CACNA1E: variants seen among roughly 807,000 people sequenced by gnomAD.
The protein encoded by CACNA1E is calcium voltage-gated channel subunit alpha1 E.
CACNA1E carries 40 observed loss-of-function variants against 259.2 expected under a neutral mutation model. That is an observed-to-expected ratio of 0.15 (90% CI 0.12 to 0.20). The LOEUF (loss-of-function observed/expected upper bound fraction) is 0.20, where lower values mean the gene tolerates loss of function less well. CACNA1E is among the 10% of genes least tolerant of loss of function. The pLI is 1.00. For synonymous variants in CACNA1E, 1,104 were observed against 1,138.5 expected (o/e 0.97, Z 0.61); for missense variants, 1,874 against 3,040.1 (o/e 0.62, Z 9.02).
intron 3 of CACNA1E, among the ~76,000 whole-genome samples, chr1:181,529,373 T>G (rs1667606803): frequency 6.6e-6 from 1 of 152,234 alleles, no homozygotes; most frequent in African/African-American, 2.4e-5. Context: ...GGAGAACCTC[T>G]GCTAGGGCAG....
At chr1:181,531,170 A>G (rs1667753740) in intron 3 of CACNA1E, among the ~76,000 whole-genome samples, 1 of 152,230 alleles carries the variant, frequency 6.6e-6, no homozygotes, top group African/African-American at 2.4e-5. Context: ...TGGAGAAACC[A>G]TAACTTATTT....
intron 7 of CACNA1E, among the ~76,000 whole-genome samples, chr1:181,670,474 A>G (rs1240579124): frequency 6.6e-6 from 1 of 152,198 alleles, no homozygotes; most frequent in African/African-American, 2.4e-5. Flanking sequence ...TTCCTGTTGA[A>G]GAAGCTAACT....
chr1:181,560,761 G>A (rs1415036851), intron 3 of CACNA1E, among the ~76,000 whole-genome samples: 1 of 152,188 alleles, frequency 6.6e-6, no homozygotes, highest in Non-Finnish European at 1.5e-5. Flanking sequence ...ATTGAAAGCA[G>A]GGACTTGAAC....
At chr1:181,589,242 A>G (rs767742521) in intron 6 of CACNA1E, among the ~76,000 whole-genome samples, 3 of 152,224 alleles carry the variant, frequency 2.0e-5, no homozygotes, top group African/African-American at 7.2e-5. Flanking sequence ...ATTGCCAGGC[A>G]GTAAGAGGGT....
intron 1 of CACNA1E, among the ~76,000 whole-genome samples, chr1:181,500,999 T>G (rs2102563151): frequency 6.6e-6 from 1 of 152,356 alleles, no homozygotes; most frequent in African/African-American, 2.4e-5. Context: ...CTGCCAGAAC[T>G]CTTGATGGGC....
Position 181,724,516 on chromosome 1 carries a change from C to A in CACNA1E, c.2121C>A (p.Ala707=). 6.2e-7 allele frequency: 1 copy of A among 1,612,902 alleles called. No homozygotes were observed. The highest frequency in any genetic ancestry group is 1.1e-5 in the South Asian group (1 of 90,646). ...TGGCTATCGCTGTGGATAATCTCGC[C>A]AACGCCCAGGAACTGACCAAGGTAA... ...VFLAIAVDNL[A]NAQELTKDEQ... The change falls in exon 17 of 48, where the codon GCC becomes GCA. Residue 707 remains alanine (A), a synonymous_variant. Transcript: ENST00000367573.
At chr1:181,475,694 G>A (rs1342779885) in intron 2 of CACNA1E, among the ~76,000 whole-genome samples, 1 of 152,180 alleles carries the variant, frequency 6.6e-6, no homozygotes, top group Non-Finnish European at 1.5e-5. Flanking sequence ...TAGGCAGTGG[G>A]GAGCCACCGA....
rs992683890 is a variant in CACNA1E at position 181,731,367 on chromosome 1, G to A, written c.2297+136G>A. The A allele has an allele frequency of 1.5e-4, 103 of 701,672 alleles. 1 individual carries two copies. Among genetic ancestry groups the A allele is most frequent in the Non-Finnish European group, 2.1e-4 (82 of 383,106 alleles). The allele number at this position is 701,672 out of a possible 1,614,324, so 43.5% of individuals were successfully genotyped here. ...GGCTTGGTGTGTGTGTGTGTGTTCC[G>A]TTCACATGATCTGTGGATATGCCCT... On this transcript the variant is annotated intron_variant, in intron 19 of 47. Coordinates refer to ENST00000367573, the MANE Select transcript of CACNA1E (RefSeq NM_001205293.3).
chr1:181,603,834 C>G (rs1363651267), intron 6 of CACNA1E, among the ~76,000 whole-genome samples: 1 of 152,334 alleles, frequency 6.6e-6, no homozygotes, highest in Non-Finnish European at 1.5e-5. Flanking sequence ...CTGCCTGTCT[C>G]CCTGGCTCTG....
In CACNA1E at chr1:181,783,665, T is replaced by A. The variant is rs776451774; in HGVS notation, c.5365-14T>A. On this transcript the variant is annotated splice_polypyrimidine_tract_variant and intron_variant, in intron 39 of 47. Coordinates refer to ENST00000367573, the MANE Select transcript of CACNA1E (RefSeq NM_001205293.3). ...TTTTTTTTGCCTGCTGTTTCTTTTT[T>A]CTCTTTCACACAGAGGTTGGTCCTG... The A allele has an allele frequency of 2.0e-6, 3 of 1,518,678 alleles. No homozygotes were observed. The highest frequency in any genetic ancestry group is 2.7e-6 in the Non-Finnish European group (3 of 1,106,186). 94.1% of individuals were successfully genotyped at this position (1,518,678 alleles called of 1,614,324 possible). A position where few individuals can be genotyped will look rare whatever the true frequency, so the allele number is the denominator to read the frequency against.
chr1:181,399,279 G>A (rs773821688), intron 1 of CACNA1E, among the ~76,000 whole-genome samples: 2 of 150,316 alleles, frequency 1.3e-5, no homozygotes, highest in Non-Finnish European at 3.0e-5. Context: ...AAAATCTTGT[G>A]GTCTTCTAAG....
chr1:181,597,411 C>T (rs967515688), intron 6 of CACNA1E, among the ~76,000 whole-genome samples: 14 of 152,112 alleles, frequency 9.2e-5, no homozygotes, highest in Non-Finnish European at 1.9e-4. Context: ...TTTTGTGTTT[C>T]GCATTGTGTT....
chr1:181,487,873 C>A (rs918735714), intron 1 of CACNA1E, among the ~76,000 whole-genome samples: 1 of 152,200 alleles, frequency 6.6e-6, no homozygotes, highest in Non-Finnish European at 1.5e-5. Flanking sequence ...ATATTCCCCC[C>A]ACACCTCCAT....
At chr1:181,413,773 T>C (rs191179408) in intron 2 of CACNA1E, among the ~76,000 whole-genome samples, 3 of 152,236 alleles carry the variant, frequency 2.0e-5, no homozygotes, top group African/African-American at 7.2e-5. Context: ...CACCCGGCTG[T>C]AGGCCTCGTC....
intron 2 of CACNA1E, among the ~76,000 whole-genome samples, chr1:181,417,916 G>T (rs1238142077): frequency 6.6e-6 from 1 of 152,144 alleles, no homozygotes; most frequent in Admixed American, 6.5e-5. Context: ...TCCATGTGGA[G>T]TCTGTTGCCC....
At chr1:181,477,927 T>C (rs1402882024) in intron 2 of CACNA1E, among the ~76,000 whole-genome samples, 6 of 152,202 alleles carry the variant, frequency 3.9e-5, no homozygotes, top group Non-Finnish European at 8.8e-5. Context: ...TCTGGGAGAC[T>C]CTCTGGTTCA....
chr1:181,781,385 C>T (rs763321342), intron 38 of CACNA1E, 42 bp from the exon 39 acceptor site: 42 of 998,408 alleles, frequency 4.2e-5, no homozygotes, highest in Admixed American at 2.4e-4. Context: ...CCCACTGCCC[C>T]GCTAACCCAC....
At chr1:181,548,470 G>A (rs1647768055) in intron 3 of CACNA1E, among the ~76,000 whole-genome samples, 1 of 152,142 alleles carries the variant, frequency 6.6e-6, no homozygotes, top group African/African-American at 2.4e-5. Flanking sequence ...CATGTCATAT[G>A]GATAATTATG....
In CACNA1E at chr1:181,801,168, G is replaced by T. The variant is rs75433932; in HGVS notation, c.*2334G>T. The T allele has an allele frequency of 6.6e-6, 1 of 152,630 alleles. No homozygotes were observed. The highest frequency in any genetic ancestry group is 1.5e-5 in the Non-Finnish European group (1 of 68,048). The allele number at this position is 152,630 out of a possible 1,614,324, so 9.5% of individuals were successfully genotyped here. ...ACCTCGGAAATGCAGCTTTCCCTAG[G>T]GGGAGGCCTACAACAGGACGACCAT... On this transcript the variant is annotated 3_prime_UTR_variant, in exon 48 of 48. Transcript: ENST00000367573.
Sources: allele counts gnomAD v4.1 joint callset (sites outside exome capture counted in the v4.1 genomes callset), GRCh38; gene constraint gnomAD v4.1.1; transcripts MANE v1.5; gene names NCBI Gene and HGNC (gene_info 2026-07-23, HGNC 2026-07-21).